The following BTBD7 variants were observed in gnomAD, a reference collection of about 807,000 sequenced individuals.
BTBD7 encodes the protein BTB/POZ domain-containing protein 7.
BTBD7 carries 38 observed loss-of-function variants against 99.9 expected under a neutral mutation model. The ratio of observed to expected loss-of-function variants is 0.38; its 90% CI spans 0.29 to 0.50. BTBD7 has a LOEUF of 0.50. Among genes scored for constraint, BTBD7 ranks in the 20% least tolerant of loss-of-function variants. The pLI, the probability that BTBD7 is intolerant of heterozygous loss-of-function variation, is 0.93. For missense variants in BTBD7, 1,170 were observed against 1,394.6 expected, an observed-to-expected ratio of 0.84 and a Z score of 2.57; for synonymous variants, 520 against 511.4, an observed-to-expected ratio of 1.02 and a Z score of -0.23.
chr14:93,245,744 G>A (rs946709827), intron 10 of BTBD7, 81 bp downstream of exon 10: 1 of 1,541,328 alleles, frequency 6.5e-7, no homozygotes, highest in Non-Finnish European at 8.7e-7. Flanking sequence ...CTGAGTCCCA[G>A]TGGGGCTCTT....
chr14:93,319,590 G>A (rs1030615892), intron 1 of BTBD7, among the ~76,000 whole-genome samples: 1 of 152,128 alleles, frequency 6.6e-6, no homozygotes, highest in South Asian at 2.1e-4. Flanking sequence ...AATGATAAGT[G>A]AGTATCTAAA....
At chr14:93,274,718 G>C (rs1162695377) in intron 3 of BTBD7, among the ~76,000 whole-genome samples, 1 of 152,138 alleles carries the variant, frequency 6.6e-6, no homozygotes, top group East Asian at 1.9e-4. Flanking sequence ...CTTTTTGCTT[G>C]CAAGTCCTTA....
In BTBD7 at chr14:93,294,942, G is replaced by A; in HGVS notation, c.83-5C>T. On this transcript the variant is annotated splice_polypyrimidine_tract_variant and splice_region_variant and intron_variant, in intron 2 of 10. Coordinates refer to ENST00000334746, the MANE Select transcript of BTBD7 (RefSeq NM_001002860.4). Reference sequence around the variant, plus strand: ...GCTGAGAATAGGATGAGGTCCCTAAGAAAAAAATTAAACAAATGAAAATTT... The same window carrying A: ...GCTGAGAATAGGATGAGGTCCCTAAAAAAAAAATTAAACAAATGAAAATTT... The A allele has an allele frequency of 6.6e-7, 1 of 1,524,386 alleles. No homozygotes were observed. The highest frequency in any genetic ancestry group is 2.4e-5 in the Admixed American group (1 of 42,050). The allele number at this position is 1,524,386 out of a possible 1,614,324, so 94.4% of individuals were successfully genotyped here. A position where few individuals can be genotyped will look rare whatever the true frequency, so the allele number is the denominator to read the frequency against.
rs779410272 is a variant in BTBD7, at chr14:93,242,460, T to C, written c.3212A>G (p.Asn1071Ser). The C allele has an allele frequency of 2.4e-5, 39 of 1,614,224 alleles. No homozygotes were observed. Among genetic ancestry groups the C allele is most frequent in the Non-Finnish European group, 3.1e-5 (37 of 1,180,040 alleles). ...ETDLTFGLTP[N>S]RPSLSACSSE... ...GCTACATGCAGAAAGTGAAGGTCTG[T>C]TAGGAGTCAGCCCAAAAGTCAAGTC... The change falls in exon 11 of 11, where the codon AAC (asparagine) becomes AGC (serine). Residue 1071 changes from asparagine (N) to serine (S), a missense_variant. Transcript: ENST00000334746.
chr14:93,257,142 T>A lies in BTBD7; in HGVS notation c.1608+53A>T, dbSNP rs567971858. On this transcript the variant is annotated intron_variant, in intron 6 of 10. Coordinates refer to ENST00000334746, the MANE Select transcript of BTBD7 (RefSeq NM_001002860.4). ...AAATTATTTACAATGAATAAAAACA[T>A]ACACCTGGCATTTTTCTTTTCATGA... 1.9e-6 allele frequency: 3 copies of A among 1,554,490 alleles called. No individual in the cohort carries two copies. In the East Asian group the frequency reaches 6.8e-5, roughly 35 times the overall value.
At chr14:93,317,356 G>C (rs190460279) in intron 1 of BTBD7, among the ~76,000 whole-genome samples, 1 of 140,102 alleles carries the variant, frequency 7.1e-6, no homozygotes, top group African/African-American at 2.8e-5. Flanking sequence ...CTGAGCTAAT[G>C]TTGATACTTT....
chr14:93,248,140 C>T (rs1466231980), intron 9 of BTBD7, among the ~76,000 whole-genome samples: 1 of 151,944 alleles, frequency 6.6e-6, no homozygotes, highest in Non-Finnish European at 1.5e-5. Context: ...AATATAGCTG[C>T]TGTACAATAG....
At chr14:93,269,791 C>T (rs985391119) in intron 3 of BTBD7, among the ~76,000 whole-genome samples, 2 of 152,112 alleles carry the variant, frequency 1.3e-5, no homozygotes, top group African/African-American at 4.8e-5. Flanking sequence ...GTCTAGAGTC[C>T]CTTTCCTCTT....
At chr14:93,266,016 A>C (rs1031609884) in intron 3 of BTBD7, among the ~76,000 whole-genome samples, 1 of 152,250 alleles carries the variant, frequency 6.6e-6, no homozygotes, top group Non-Finnish European at 1.5e-5. Context: ...AACACAGTTA[A>C]CACCACACTG....
At chr14:93,250,516 T>G (rs1303344997) in intron 8 of BTBD7, among the ~76,000 whole-genome samples, 3 of 152,258 alleles carry the variant, frequency 2.0e-5, no homozygotes, top group Non-Finnish European at 2.9e-5. Context: ...TGTATTCAAT[T>G]AAAAGTTCTG....
intron 8 of BTBD7, 41 bp downstream of exon 8, chr14:93,251,422 A>T: frequency 6.6e-7 from 1 of 1,504,588 alleles, no homozygotes; most frequent in Non-Finnish European, 9.0e-7. Flanking sequence ...AAAAACAATA[A>T]ATTATTCATT....
intron 1 of BTBD7, among the ~76,000 whole-genome samples, chr14:93,303,503 C>T (rs2053030517): frequency 6.6e-6 from 1 of 151,468 alleles, no homozygotes. Flanking sequence ...AAAGCAGAAA[C>T]AGGAGCCTAT....
intron 3 of BTBD7, among the ~76,000 whole-genome samples, chr14:93,276,891 AATTTTTTTT>A (rs2052661841): frequency 8.0e-6 from 1 of 125,214 alleles, no homozygotes; most frequent in African/African-American, 3.1e-5. Flanking sequence ...CACACAGATT[AATTTTTTTT>A]TTTTTTTTTT....
chr14:93,282,575 C>A (rs953610449), intron 3 of BTBD7, among the ~76,000 whole-genome samples: 1 of 152,140 alleles, frequency 6.6e-6, no homozygotes, highest in Non-Finnish European at 1.5e-5. Context: ...GCGTGATCTG[C>A]CTGCCTTGGC....
intron 3 of BTBD7, among the ~76,000 whole-genome samples, chr14:93,266,211 A>G (rs1172669486): frequency 6.6e-6 from 1 of 151,744 alleles, no homozygotes; most frequent in East Asian, 1.9e-4. Flanking sequence ...CATGGCTGTT[A>G]TAGATCTGAA....
At chr14:93,254,300 T>C (rs1249728267) in intron 6 of BTBD7, among the ~76,000 whole-genome samples, 1 of 152,178 alleles carries the variant, frequency 6.6e-6, no homozygotes, top group Non-Finnish European at 1.5e-5. Flanking sequence ...TAATTTCCCA[T>C]TTTTCTCTAA....
At chr14:93,257,561 A>G (rs546024279) in intron 5 of BTBD7, among the ~76,000 whole-genome samples, 2 of 152,390 alleles carry the variant, frequency 1.3e-5, no homozygotes, top group Non-Finnish European at 2.9e-5. Flanking sequence ...TCAACAGTAC[A>G]ATAAAATTAT....
intron 5 of BTBD7, among the ~76,000 whole-genome samples, chr14:93,260,188 A>G (rs1480725283): frequency 6.6e-6 from 1 of 152,220 alleles, no homozygotes; most frequent in African/African-American, 2.4e-5. Flanking sequence ...AAAATGTGAC[A>G]AAACAACTCT....
intron 3 of BTBD7, among the ~76,000 whole-genome samples, chr14:93,282,799 T>TA (rs1211495535): frequency 2.6e-5 from 4 of 152,196 alleles, no homozygotes; most frequent in African/African-American, 9.7e-5. Flanking sequence ...ACCTGTATCT[T>TA]AGACTCCATT....
Sources: gnomAD v4.1 joint callset for allele counts (sites outside exome capture counted in the v4.1 genomes callset) on GRCh38, gnomAD v4.1.1 for gene constraint, MANE v1.5 for transcripts, NCBI Gene and HGNC (gene_info 2026-07-23, HGNC 2026-07-21) for gene names.